Variants in ARHGEF12 observed in about 807,000 individuals in gnomAD.
ARHGEF12 encodes the protein Rho guanine nucleotide exchange factor 12.
Under a neutral mutation model 211.2 loss-of-function variants are expected in ARHGEF12, and 66 were observed. That is an observed-to-expected ratio of 0.31 (90% CI 0.26 to 0.38). The LOEUF is 0.38. Among genes scored for constraint, ARHGEF12 ranks in the 10% least tolerant of loss-of-function variants. The pLI is 1.00. For missense variants in ARHGEF12, 1,429 were observed against 1,869.5 expected (o/e 0.76, Z 4.34); for synonymous variants, 592 against 638.4 (o/e 0.93, Z 1.09).
intron 1 of ARHGEF12, among the ~76,000 whole-genome samples, chr11:120,348,384 C>T (rs1318562392): frequency 6.6e-6 from 1 of 152,174 alleles, no homozygotes; most frequent in Non-Finnish European, 1.5e-5. Flanking sequence ...AATAGTTTGT[C>T]AGTATGGGTC....
chr11:120,356,387 AT>A (rs908274533), intron 1 of ARHGEF12, among the ~76,000 whole-genome samples: 3 of 151,654 alleles, frequency 2.0e-5, no homozygotes, highest in African/African-American at 7.2e-5. Flanking sequence ...CACCTGGCTA[AT>A]TTTTTTTTAA....
chr11:120,374,998 C>T (rs1167018585), intron 1 of ARHGEF12, among the ~76,000 whole-genome samples: 2 of 152,010 alleles, frequency 1.3e-5, no homozygotes, highest in Non-Finnish European at 2.9e-5. Flanking sequence ...ACAAAATGAA[C>T]GAGATTGGTA....
chr11:120,346,797 C>T (rs180776389), intron 1 of ARHGEF12, among the ~76,000 whole-genome samples: 4 of 152,176 alleles, frequency 2.6e-5, no homozygotes, highest in Admixed American at 1.3e-4. Context: ...AGTTAATGTA[C>T]GGACAATCTT....
At position 120,489,463 on chromosome 11, in the gene ARHGEF12, T is replaced by A. The variant is rs1172868175; in HGVS notation, c.*4386T>A. The stretch of plus-strand genomic sequence containing the variant: ...ACTTTGGTTTTAATCCTACCCTAAA[T>A]GAAGCATATGCCTCTATTTTTCCTG... On this transcript the variant is annotated 3_prime_UTR_variant, in exon 41 of 41. Transcript: ENST00000397843. 1 of 223,578 alleles carries A rather than the reference T, an allele frequency of 4.5e-6. No homozygotes were observed. Among genetic ancestry groups the A allele is most frequent in the African/African-American group, 2.2e-5 (1 of 44,802 alleles). The allele number at this position is 223,578 out of a possible 1,614,324, so 13.8% of individuals were successfully genotyped here.
chr11:120,473,159 T>C (rs1313989226), intron 31 of ARHGEF12, 32 bp downstream of exon 31: 3 of 1,596,412 alleles, frequency 1.9e-6, no homozygotes, highest in Non-Finnish European at 2.6e-6. Flanking sequence ...ATTTAAAAAA[T>C]AAAATAAAAT....
chr11:120,390,541 G>A (rs1337321654), intron 1 of ARHGEF12, among the ~76,000 whole-genome samples: 1 of 152,158 alleles, frequency 6.6e-6, no homozygotes, highest in Non-Finnish European at 1.5e-5. Flanking sequence ...TGAGCTCTGG[G>A]ATTAGGAGAT....
chr11:120,385,320 T>G, intron 1 of ARHGEF12: 1 of 985,388 alleles, frequency 1.0e-6, no homozygotes, highest in Non-Finnish European at 1.2e-6. Context: ...TTGTGGTCAG[T>G]AAAATCATCT....
intron 27 of ARHGEF12, 27 bp from the exon 28 acceptor site, chr11:120,465,210 T>C: frequency 6.2e-7 from 1 of 1,613,372 alleles, no homozygotes; most frequent in Non-Finnish European, 8.5e-7. Context: ...CCCATTCTCT[T>C]TTGTGTTCTT....
At chr11:120,401,756 A>C (rs1262951179) in intron 1 of ARHGEF12, among the ~76,000 whole-genome samples, 1 of 152,216 alleles carries the variant, frequency 6.6e-6, no homozygotes, top group Non-Finnish European at 1.5e-5. Flanking sequence ...ACGTCTGAGA[A>C]GTTCAAGTAT....
intron 1 of ARHGEF12, among the ~76,000 whole-genome samples, chr11:120,377,950 G>A (rs1943776690): frequency 6.6e-6 from 1 of 151,668 alleles, no homozygotes. Context: ...TATTTTTTTA[G>A]AGATGGGGTC....
In ARHGEF12 at chr11:120,477,475, A is replaced by G; in HGVS notation, c.3481A>G (p.Lys1161Glu). The G allele has an allele frequency of 5.0e-6, 8 of 1,612,272 alleles. No homozygotes were observed. The highest frequency in any genetic ancestry group is 6.8e-6 in the Non-Finnish European group (8 of 1,179,836). Reference sequence around the variant, plus strand: ...AGATAATGATGAAGAAGATCCTTCAAAATTAAAAGAGGAGCAGCATGGCAT... The same window carrying G: ...AGATAATGATGAAGAAGATCCTTCAGAATTAAAAGAGGAGCAGCATGGCAT... Reference protein sequence around the residue: ...EGDNDEEDPSKLKEEQHGISV... With the variant: ...EGDNDEEDPSELKEEQHGISV... The change falls in exon 36 of 41, where the codon AAA becomes GAA. Residue 1161 changes from lysine (K) to glutamate (E), a missense_variant. Physicochemically the swap from Lys to Glu is moderately conservative, Grantham distance 56. Transcript: ENST00000397843.
chr11:120,367,425 G>C (rs1193260955), intron 1 of ARHGEF12, among the ~76,000 whole-genome samples: 8 of 132,214 alleles, frequency 6.1e-5, no homozygotes, highest in Non-Finnish European at 1.2e-4. Flanking sequence ...GAGTACAGTG[G>C]TGTGATCTTG....
chr11:120,345,175 G>A (rs978074063), intron 1 of ARHGEF12, among the ~76,000 whole-genome samples: 6 of 152,126 alleles, frequency 3.9e-5, no homozygotes, highest in African/African-American at 9.7e-5. Flanking sequence ...GTGATAAAAC[G>A]GAAAGAGGGA....
intron 39 of ARHGEF12, among the ~76,000 whole-genome samples, chr11:120,484,129 G>A (rs1162714138): frequency 6.6e-6 from 1 of 152,210 alleles, no homozygotes; most frequent in Non-Finnish European, 1.5e-5. Context: ...TATAGCTCAT[G>A]CACATGATGA....
chr11:120,461,119 A>G (rs1946515079), intron 27 of ARHGEF12, among the ~76,000 whole-genome samples: 1 of 152,106 alleles, frequency 6.6e-6, no homozygotes, highest in African/African-American at 2.4e-5. Context: ...TGATATTTTG[A>G]CCTCCTCCTG....
At chr11:120,445,901 A>C (rs1044057355) in intron 16 of ARHGEF12, among the ~76,000 whole-genome samples, 1 of 150,732 alleles carries the variant, frequency 6.6e-6, no homozygotes, top group Non-Finnish European at 1.5e-5. Flanking sequence ...CTCTGTCTCA[A>C]AAAAAATAAT....
chr11:120,425,003 T>C (rs1945296327), intron 7 of ARHGEF12, among the ~76,000 whole-genome samples: 1 of 152,172 alleles, frequency 6.6e-6, no homozygotes, highest in Non-Finnish European at 1.5e-5. Flanking sequence ...AATAGCCCAC[T>C]TGGACTTAGT....
At chr11:120,476,516 T>C (rs1947037026) in intron 33 of ARHGEF12, 145 bp from the exon 34 acceptor site, 1 of 467,802 alleles carries the variant, frequency 2.1e-6, no homozygotes, top group Admixed American at 3.8e-5. Context: ...TGCACAAATT[T>C]TAAGTGTACA....
At chr11:120,370,267 G>A (rs1480652325) in intron 1 of ARHGEF12, among the ~76,000 whole-genome samples, 2 of 152,110 alleles carry the variant, frequency 1.3e-5, no homozygotes, top group Non-Finnish European at 2.9e-5. Flanking sequence ...CTACTGATGG[G>A]TAGCACTATC....
Sources: allele counts gnomAD v4.1 joint callset (sites outside exome capture counted in the v4.1 genomes callset), GRCh38; gene constraint gnomAD v4.1.1; transcripts MANE v1.5; gene names NCBI Gene and HGNC (gene_info 2026-07-23, HGNC 2026-07-21).